The following TENM2 variants were observed in gnomAD, a reference collection of about 807,000 sequenced individuals.
TENM2 encodes the protein teneurin-2.
Under a neutral mutation model 245.2 loss-of-function variants are expected in TENM2, and 52 were observed. The ratio of observed to expected loss-of-function variants is 0.21; its 90% CI spans 0.17 to 0.27. TENM2 has a LOEUF of 0.27. TENM2 is among the 10% of genes least tolerant of loss of function. TENM2 has a pLI of 1.00. For synonymous variants in TENM2, 1,363 were observed against 1,438.9 expected (o/e 0.95, Z 1.19); for missense variants, 3,046 against 3,666.8 (o/e 0.83, Z 4.37).
At chr5:167,719,965 G>A (rs771128869) in intron 2 of TENM2, among the ~76,000 whole-genome samples, 3 of 151,842 alleles carry the variant, frequency 2.0e-5, no homozygotes, top group Non-Finnish European at 4.4e-5. Flanking sequence ...GCATGCAAAG[G>A]ATAATAACAC....
At chr5:167,853,438 G>T (rs751958745) in intron 2 of TENM2, among the ~76,000 whole-genome samples, 4 of 151,944 alleles carry the variant, frequency 2.6e-5, no homozygotes, top group East Asian at 1.9e-4. Context: ...AATAAATAAG[G>T]TTCTGTGACC....
chr5:167,082,414 G>A, the TENM2 span, among the ~76,000 whole-genome samples: 1 of 152,056 alleles, frequency 6.6e-6, no homozygotes, highest in Admixed American at 6.6e-5. Context: ...CTCCCAAGTA[G>A]CTGGGCATAC....
the TENM2 span, among the ~76,000 whole-genome samples, chr5:167,105,821 G>A: frequency 7.1e-6 from 1 of 140,514 alleles, no homozygotes. Flanking sequence ...CCGGGAGGCG[G>A]AGCTTGCAGT....
At chr5:167,495,094 G>C (rs1245205402) in intron 2 of TENM2, among the ~76,000 whole-genome samples, 4 of 151,940 alleles carry the variant, frequency 2.6e-5, no homozygotes, top group Non-Finnish European at 5.9e-5. Context: ...TGTGGAGAAG[G>C]CCTCAAGATC....
intron 2 of TENM2, among the ~76,000 whole-genome samples, chr5:167,552,584 T>C (rs1773022389): frequency 6.6e-6 from 1 of 152,124 alleles, no homozygotes; most frequent in African/African-American, 2.4e-5. Flanking sequence ...CCTATTGACA[T>C]TGTAGCCTGG....
chr5:167,948,452 C>T (rs1468599543), intron 3 of TENM2, among the ~76,000 whole-genome samples: 3 of 152,208 alleles, frequency 2.0e-5, no homozygotes, highest in Non-Finnish European at 2.9e-5. Flanking sequence ...ATACAGGAAA[C>T]ATCTTGTCTA....
At chr5:167,139,385 G>A in the TENM2 span, among the ~76,000 whole-genome samples, 1 of 152,214 alleles carries the variant, frequency 6.6e-6, no homozygotes, top group African/African-American at 2.4e-5. Context: ...TTGTATGTGT[G>A]AAAATCTGTT....
chr5:166,984,356 A>T, the TENM2 span, among the ~76,000 whole-genome samples: 1 of 152,220 alleles, frequency 6.6e-6, no homozygotes, highest in East Asian at 1.9e-4. Context: ...GGTGGGACAC[A>T]TCCTGGAGGA....
chr5:168,094,433 G>A (rs1016742557), intron 8 of TENM2, among the ~76,000 whole-genome samples: 6 of 152,096 alleles, frequency 3.9e-5, no homozygotes, highest in African/African-American at 7.2e-5. Flanking sequence ...CAGATGCTCA[G>A]TGAGAAGCAA....
the TENM2 span, among the ~76,000 whole-genome samples, chr5:167,124,986 G>A: frequency 4.4e-4 from 67 of 152,308 alleles, no homozygotes; most frequent in African/African-American, 1.5e-3. Context: ...CGTGGAACTA[G>A]GTATGTGTAC....
chr5:167,068,131 G>A, the TENM2 span, among the ~76,000 whole-genome samples: 26 of 152,132 alleles, frequency 1.7e-4, no homozygotes, highest in African/African-American at 6.0e-4. Context: ...TAGGCTGCTC[G>A]AATTTAACAG....
chr5:167,088,306 A>G, the TENM2 span, among the ~76,000 whole-genome samples: 1 of 152,204 alleles, frequency 6.6e-6, no homozygotes, highest in Non-Finnish European at 1.5e-5. Flanking sequence ...GACATGGAGA[A>G]CATACAATGT....
intron 2 of TENM2, among the ~76,000 whole-genome samples, chr5:167,811,176 C>T (rs923991648): frequency 2.6e-5 from 4 of 152,150 alleles, no homozygotes; most frequent in African/African-American, 9.7e-5. Flanking sequence ...TTTAGTTCAG[C>T]AAATCCTACC....
chr5:167,298,098 G>C (rs943362255), intron 1 of TENM2, among the ~76,000 whole-genome samples: 1 of 152,040 alleles, frequency 6.6e-6, no homozygotes, highest in African/African-American at 2.4e-5. Context: ...TAAAATGTTG[G>C]GGAAAATTTT....
At chr5:168,079,060 G>A (rs1791737457) in intron 7 of TENM2, among the ~76,000 whole-genome samples, 1 of 152,200 alleles carries the variant, frequency 6.6e-6, no homozygotes, top group African/African-American at 2.4e-5. Context: ...TCCTATCCAT[G>A]AGCATGGAAT....
At chr5:167,184,461 G>GT in the TENM2 span, among the ~76,000 whole-genome samples, 3 of 152,176 alleles carry the variant, frequency 2.0e-5, no homozygotes, top group African/African-American at 7.2e-5. Context: ...TTTTGTTTTT[G>GT]TTTTTTGTTG....
intron 2 of TENM2, among the ~76,000 whole-genome samples, chr5:167,776,593 GAAAAA>G (rs869252752): frequency 2.5e-4 from 9 of 36,018 alleles, no homozygotes; most frequent in East Asian, 6.4e-4. Flanking sequence ...GACCCTGTCT[GAAAAA>G]AAAAAAAAAA....
At chr5:168,049,075 T>A (rs1316632986) in intron 6 of TENM2, among the ~76,000 whole-genome samples, 1 of 152,216 alleles carries the variant, frequency 6.6e-6, no homozygotes, top group Non-Finnish European at 1.5e-5. Context: ...GGGCAATGGT[T>A]CTTAGTCATA....
chr5:168,161,488 G>T (rs1757736847), intron 12 of TENM2, among the ~76,000 whole-genome samples: 1 of 152,140 alleles, frequency 6.6e-6, no homozygotes, highest in Non-Finnish European at 1.5e-5. Flanking sequence ...GAATTTTATG[G>T]TGTGTAAATT....
Sources: gnomAD v4.1 joint callset for allele counts (sites outside exome capture counted in the v4.1 genomes callset) on GRCh38, gnomAD v4.1.1 for gene constraint, MANE v1.5 for transcripts, NCBI Gene and HGNC (gene_info 2026-07-23, HGNC 2026-07-21) for gene names.